Variants in RETREG1 observed in about 807,000 individuals in gnomAD.
RETREG1 encodes the protein family with sequence similarity 134 member B.
Under a neutral mutation model 54.8 loss-of-function variants are expected in RETREG1, and 44 were observed. The ratio of observed to expected loss-of-function variants is 0.80; its 90% CI spans 0.63 to 1.03. RETREG1 has a LOEUF of 1.03. Among genes scored for constraint, RETREG1 ranks in the 50% least tolerant of loss-of-function variants. RETREG1 has a pLI of 0.00. For synonymous variants in RETREG1, 217 were observed against 238.5 expected, an observed-to-expected ratio of 0.91 and a Z score of 0.83; for missense variants, 554 against 605.1, an observed-to-expected ratio of 0.92 and a Z score of 0.89.
rs956604032 is a variant in RETREG1 at position 16,594,135 on chromosome 5, T to A, written c.321-22033A>T. On this transcript the variant is annotated intron_variant, in intron 1 of 8. Coordinates refer to ENST00000306320, the MANE Select transcript of RETREG1 (RefSeq NM_001034850.3). This position sits in a 1 kb window ranked among gnomAD's most constrained non-coding sequence, Gnocchi z 4.4. The stretch of plus-strand genomic sequence containing the variant: ...AAACCTACACACAGCAGAGATTTGA[T>A]GGGCACCATCGGAAACAAAAGCTGG... Among the ~76,000 whole-genome samples, 1 of 152,238 alleles carries A rather than the reference T, an allele frequency of 6.6e-6. No individual in the cohort carries two copies. The highest frequency in any genetic ancestry group is 6.5e-5 in the Admixed American group (1 of 15,292).
chr5:16,540,726 AG>A (rs1235537827), intron 3 of RETREG1, among the ~76,000 whole-genome samples: 6 of 152,178 alleles, frequency 3.9e-5, no homozygotes, highest in African/African-American at 1.4e-4. Flanking sequence ...AGGAAACAAC[AG>A]GTCTTCCTCA....
chr5:16,539,587 T>C (rs1178480453), intron 3 of RETREG1, among the ~76,000 whole-genome samples: 1 of 152,172 alleles, frequency 6.6e-6, no homozygotes, highest in Non-Finnish European at 1.5e-5. Context: ...CCCAGCTCCC[T>C]GCACAAGCTG....
At chr5:16,613,235 T>C (rs1180940910) in intron 1 of RETREG1, among the ~76,000 whole-genome samples, 2 of 152,206 alleles carry the variant, frequency 1.3e-5, no homozygotes, top group Non-Finnish European at 2.9e-5. Context: ...CATGCTGCCA[T>C]TGCATCTGTT....
intron 1 of RETREG1, among the ~76,000 whole-genome samples, chr5:16,601,866 A>G (rs1001843180): frequency 1.3e-5 from 2 of 152,186 alleles, no homozygotes; most frequent in Non-Finnish European, 2.9e-5. Context: ...TTCCAGGGAG[A>G]AAAACCAGGT....
At chr5:16,515,633 A>G (rs1349137903) in intron 3 of RETREG1, among the ~76,000 whole-genome samples, 2 of 152,222 alleles carry the variant, frequency 1.3e-5, no homozygotes, top group East Asian at 3.8e-4. Flanking sequence ...AGAAGAAGGT[A>G]GTTGAGCCAC....
chr5:16,553,149 T>C (rs973499603), intron 3 of RETREG1, among the ~76,000 whole-genome samples: 1 of 152,038 alleles, frequency 6.6e-6, no homozygotes, highest in Admixed American at 6.5e-5. Flanking sequence ...TACTGCCATA[T>C]CGTAAACTCA....
chr5:16,610,196 G>A (rs916544296), intron 1 of RETREG1, among the ~76,000 whole-genome samples: 4 of 152,184 alleles, frequency 2.6e-5, no homozygotes, highest in African/African-American at 7.2e-5. Context: ...AATTTGACTC[G>A]GTAGGTCCTG....
intron 3 of RETREG1, among the ~76,000 whole-genome samples, chr5:16,523,200 C>T (rs926184901): frequency 3.3e-5 from 5 of 152,168 alleles, no homozygotes; most frequent in Non-Finnish European, 5.9e-5. Context: ...CGGTACGACA[C>T]TATGAACTAA....
chr5:16,572,091 A>T lies in RETREG1; in HGVS notation c.332T>A (p.Leu111Ter). Residue 111 changes from leucine (L) to a stop codon, truncating the protein, a stop_gained, in exon 2 of 9, where the codon TTG becomes TAG. Transcript: ENST00000306320. LOFTEE classifies it high-confidence loss of function. Reference sequence around the variant, plus strand: ...CAGGTGATATACTCTCCATGGAGTCAATGCAAGGAACCTGCAACAGCGAAA... The same window carrying T: ...CAGGTGATATACTCTCCATGGAGTCTATGCAAGGAACCTGCAACAGCGAAA... ...AANLLFWFLA[L>*]TPWRVYHLIS... 1.9e-6 allele frequency: 3 copies of T among 1,612,456 alleles called. No individual in the cohort carries two copies. Among genetic ancestry groups the T allele is most frequent in the Non-Finnish European group, 2.5e-6 (3 of 1,178,444 alleles).
In RETREG1 at chr5:16,585,238, G is replaced by T. The variant is rs557678262; in HGVS notation, c.321-13136C>A. ...CAGGGAATGTGCCCAGGTCAGCAAGGCATGGTGGACAAACAGATAAGACAG... is the reference window on the plus strand; with the variant it reads ...CAGGGAATGTGCCCAGGTCAGCAAGTCATGGTGGACAAACAGATAAGACAG... On this transcript the variant is annotated intron_variant, in intron 1 of 8. Coordinates refer to ENST00000306320, the MANE Select transcript of RETREG1 (RefSeq NM_001034850.3). The surrounding 1 kb of genome is among the most constrained non-coding windows in gnomAD (Gnocchi z 4.5). Among the ~76,000 whole-genome samples the T allele has an allele frequency of 6.6e-6, 1 of 152,140 alleles. No individual in the cohort carries two copies. The highest frequency in any genetic ancestry group is 1.5e-5 in the Non-Finnish European group (1 of 68,024).
chr5:16,500,517 G>A (rs1295694244), intron 3 of RETREG1, among the ~76,000 whole-genome samples: 2 of 152,152 alleles, frequency 1.3e-5, no homozygotes, highest in Non-Finnish European at 2.9e-5. Flanking sequence ...CTTGCTAGAG[G>A]AGAGCTGAAA....
chr5:16,565,796 G>A lies in RETREG1; in HGVS notation c.428-3C>T. The A allele has an allele frequency of 6.2e-7, 1 of 1,613,614 alleles. No individual in the cohort carries two copies. Among genetic ancestry groups the A allele is most frequent in the South Asian group, 1.1e-5 (1 of 90,842 alleles). On this transcript the variant is annotated splice_region_variant and splice_polypyrimidine_tract_variant and intron_variant, in intron 2 of 8. Coordinates refer to ENST00000306320, the MANE Select transcript of RETREG1 (RefSeq NM_001034850.3). ...GAGGCTTCTCCACAACTGTGCACCT[G>A]CAACAGGGAGAAGCAAAATGTGAAA...
rs1742917139 is a variant in RETREG1 at position 16,597,027 on chromosome 5, T to C, written c.320+19625A>G. Among the ~76,000 whole-genome samples, 1 of 152,204 alleles carries C rather than the reference T, an allele frequency of 6.6e-6. No homozygotes were observed. The highest frequency in any genetic ancestry group is 1.5e-5 in the Non-Finnish European group (1 of 68,038). ...CAGTCAATAGTTAGACTACTGACAT[T>C]TGTCAGACAACAGAAAAATGCATCT... On this transcript the variant is annotated intron_variant, in intron 1 of 8. Coordinates refer to ENST00000306320, the MANE Select transcript of RETREG1 (RefSeq NM_001034850.3). The surrounding 1 kb of genome is among the most constrained non-coding windows in gnomAD (Gnocchi z 4.3).
intron 3 of RETREG1, among the ~76,000 whole-genome samples, chr5:16,559,136 T>G (rs921639544): frequency 6.6e-6 from 1 of 152,216 alleles, no homozygotes; most frequent in Non-Finnish European, 1.5e-5. Flanking sequence ...CTCCGCCTAC[T>G]TGAAAGCATA....
chr5:16,509,074 A>G lies in RETREG1; in HGVS notation c.459-25602T>C, dbSNP rs41117. 0.61 allele frequency: 587,824 copies of G among 964,494 alleles called. 180,088 individuals carry two copies. Among genetic ancestry groups the G allele is most frequent in the Non-Finnish European group, 0.62 (509,062 of 815,200 alleles). 59.7% of individuals were successfully genotyped at this position (964,494 alleles called of 1,614,324 possible). Reference sequence around the variant, plus strand: ...TTTTTTCTGGCATGACTAGGCACCCACCTAAGGGTGGAGTGGCCACAGGAG... The same window carrying G: ...TTTTTTCTGGCATGACTAGGCACCCGCCTAAGGGTGGAGTGGCCACAGGAG... On this transcript the variant is annotated intron_variant, in intron 3 of 8. Coordinates refer to ENST00000306320, the MANE Select transcript of RETREG1 (RefSeq NM_001034850.3).
chr5:16,512,677 C>A (rs1261909238), intron 3 of RETREG1, among the ~76,000 whole-genome samples: 1 of 151,812 alleles, frequency 6.6e-6, no homozygotes, highest in Non-Finnish European at 1.5e-5. Flanking sequence ...TCTTGGATGT[C>A]ATAGGAAAAT....
At chr5:16,550,180 A>C (rs1561116369) in intron 3 of RETREG1, among the ~76,000 whole-genome samples, 1 of 152,086 alleles carries the variant, frequency 6.6e-6, no homozygotes, top group Non-Finnish European at 1.5e-5. Flanking sequence ...CCCAGTGAGG[A>C]TACTACACCA....
At position 16,616,749 on chromosome 5, in the gene RETREG1, G is replaced by A. The variant is rs903039410; in HGVS notation, c.223C>T (p.Pro75Ser). ...GCGCGGCAGCCCAGCCACAGCACCGGCTCCCCGAGCAGCCAGGTTACCGCG... is the reference window on the plus strand; with the variant it reads ...GCGCGGCAGCCCAGCCACAGCACCGACTCCCCGAGCAGCCAGGTTACCGCG... ...AAAVTWLLGE[P>S]VLWLGCRADE... is the part of the protein sequence containing the mutation. The change falls in exon 1 of 9, where the codon CCG becomes TCG. Residue 75 changes from proline to serine, a missense_variant. Pro to Ser is a moderately conservative substitution (Grantham distance 74). Coordinates refer to ENST00000306320, the MANE Select transcript of RETREG1 (RefSeq NM_001034850.3). The A allele has an allele frequency of 5.7e-6, 9 of 1,569,908 alleles. No individual in the cohort carries two copies. Among genetic ancestry groups the A allele is most frequent in the Admixed American group, 1.8e-5 (1 of 56,334 alleles).
At chr5:16,488,204 G>A (rs534654749) in intron 3 of RETREG1, among the ~76,000 whole-genome samples, 2 of 152,298 alleles carry the variant, frequency 1.3e-5, no homozygotes, top group African/African-American at 2.4e-5. Flanking sequence ...TGGGCAAGAC[G>A]GTGTGAGAGG....
Sources: allele counts gnomAD v4.1 joint callset (sites outside exome capture counted in the v4.1 genomes callset), GRCh38; gene constraint gnomAD v4.1.1; non-coding constraint Gnocchi (gnomAD v3.1); transcripts MANE v1.5; gene names NCBI Gene and HGNC (gene_info 2026-07-23, HGNC 2026-07-21).